PAK3: variants seen among roughly 807,000 people sequenced by gnomAD.
PAK3 encodes the protein serine/threonine-protein kinase PAK 3.
A neutral mutation model predicts 41.0 loss-of-function variants in PAK3; 4 were observed. The ratio of observed to expected loss-of-function variants is 0.10; its 90% CI spans 0.05 to 0.22. The LOEUF (loss-of-function observed/expected upper bound fraction) is 0.22. Ranked by LOEUF, PAK3 falls within the 10% of genes least tolerant of loss-of-function variation. PAK3 has a pLI of 1.00. For missense variants in PAK3, 205 were observed against 409.9 expected, an observed-to-expected ratio of 0.50 and a Z score of 4.32; for synonymous variants, 146 against 139.6, an observed-to-expected ratio of 1.05 and a Z score of -0.32.
At chrX:111,150,902 C>G (rs1229018923) in intron 7 of PAK3, among the ~76,000 whole-genome samples, 1 of 111,491 alleles carries the variant, frequency 9.0e-6, no homozygotes, top group African/African-American at 3.3e-5. Context: ...TATAAAGAGC[C>G]CTTACCTCTT....
At chrX:111,170,762 G>A (rs1445846726) in intron 10 of PAK3, among the ~76,000 whole-genome samples, 1 of 110,981 alleles carries the variant, frequency 9.0e-6, no homozygotes, top group Non-Finnish European at 1.9e-5. Context: ...GATAGGAAAG[G>A]AAAAGGGGGA....
At chrX:111,001,454 C>A (rs2091847061) in intron 1 of PAK3, among the ~76,000 whole-genome samples, 1 of 112,087 alleles carries the variant, frequency 8.9e-6, no homozygotes, top group Admixed American at 9.4e-5. Context: ...GAGTGTGGCA[C>A]TGGTATCACA....
chrX:111,190,368 A>G (rs1390917968), intron 11 of PAK3, among the ~76,000 whole-genome samples: 1 of 111,910 alleles, frequency 8.9e-6, no homozygotes, highest in African/African-American at 3.2e-5. Flanking sequence ...TCAGTTCATC[A>G]TATGTAACAT....
At chrX:111,160,949 A>G (rs1385289276) in intron 8 of PAK3, among the ~76,000 whole-genome samples, 1 of 112,607 alleles carries the variant, frequency 8.9e-6, no homozygotes. Flanking sequence ...TCTTTATAGC[A>G]GCATGATTTA....
At chrX:111,033,178 C>T (rs1360051260) in intron 1 of PAK3, among the ~76,000 whole-genome samples, 1 of 111,460 alleles carries the variant, frequency 9.0e-6, no homozygotes, top group Non-Finnish European at 1.9e-5. Context: ...CCATAGCCCT[C>T]TACACATCTG....
rs1577909 is a variant in PAK3 at position 111,079,067 on chromosome X, C to G, written c.-27-44010C>G. On this transcript the variant is annotated intron_variant, in intron 1 of 14. Transcript: ENST00000425146. ...TTAGTTCACGAGATTTAAGGAAAAA[C>G]GCCATCTCCATAACATGAAACTGCA... Among the ~76,000 whole-genome samples the G allele has an allele frequency of 5.1e-4, 56 of 110,679 alleles. 1 individual carries two copies. Among genetic ancestry groups the G allele is most frequent in the Non-Finnish European group, 1.5e-4 (8 of 52,957 alleles).
At chrX:111,141,461 T>TA (rs1237490642) in intron 5 of PAK3, among the ~76,000 whole-genome samples, 1 of 111,577 alleles carries the variant, frequency 9.0e-6, no homozygotes, top group Non-Finnish European at 1.9e-5. Context: ...ATTAATTCAG[T>TA]AAAAAAAGCA....
chrX:111,017,603 A>G (rs1166009300), intron 1 of PAK3, among the ~76,000 whole-genome samples: 1 of 112,153 alleles, frequency 8.9e-6, no homozygotes, highest in Non-Finnish European at 1.9e-5. Context: ...AGTAATCAAA[A>G]TAATTTAAAG....
chrX:111,029,630 C>T lies in PAK3; in HGVS notation c.-28+85002C>T, dbSNP rs772693980. Among the ~76,000 whole-genome samples the T allele has an allele frequency of 4.5e-5, 5 of 111,769 alleles. No individual in the cohort carries two copies. In the South Asian group the frequency reaches 1.1e-3, roughly 25 times the overall value. The stretch of plus-strand genomic sequence containing the variant: ...TGCATCATCTGTTTAAAAGATGAAT[C>T]GTCTGTCTGAAATAGTGGGCCACTG... On this transcript the variant is annotated intron_variant, in intron 1 of 14. Coordinates refer to the PAK3 transcript ENST00000425146.
chrX:111,067,906 T>C (rs1388356339), intron 1 of PAK3, among the ~76,000 whole-genome samples: 1 of 111,191 alleles, frequency 9.0e-6, no homozygotes, highest in Non-Finnish European at 1.9e-5. Context: ...TCTATAAAAT[T>C]AAAGTTGTCT....
At chrX:111,050,621 G>T (rs1040130160) in intron 1 of PAK3, among the ~76,000 whole-genome samples, 1 of 111,984 alleles carries the variant, frequency 8.9e-6, no homozygotes, top group Non-Finnish European at 1.9e-5. Context: ...GTAGAACTGG[G>T]TTGAGACCCT....
chrX:111,097,967 G>A (rs1383163303), intron 3 of PAK3, among the ~76,000 whole-genome samples: 1 of 111,285 alleles, frequency 9.0e-6, no homozygotes. Context: ...AGAGACCTTA[G>A]GATGTCAAGG....
intron 5 of PAK3, among the ~76,000 whole-genome samples, chrX:111,140,073 T>C (rs2149083446): frequency 9.0e-6 from 1 of 111,142 alleles, no homozygotes; most frequent in Non-Finnish European, 1.9e-5. Flanking sequence ...CCCGGTACAT[T>C]TGTATTTGTA....
intron 1 of PAK3, among the ~76,000 whole-genome samples, chrX:111,067,358 C>T (rs1296843497): frequency 9.0e-6 from 1 of 111,386 alleles, no homozygotes; most frequent in Admixed American, 9.6e-5. Flanking sequence ...TGCAACAATA[C>T]TATGAGGAGT....
chrX:111,029,759 G>T (rs73537192), intron 1 of PAK3, among the ~76,000 whole-genome samples: 2,142 of 111,697 alleles, frequency 0.019, 54 homozygotes, highest in African/African-American at 0.067. Context: ...ATGACTAATG[G>T]CACTTCGTGT....
chrX:111,025,730 AC>A (rs2092259583), intron 1 of PAK3, among the ~76,000 whole-genome samples: 1 of 110,831 alleles, frequency 9.0e-6, no homozygotes, highest in Non-Finnish European at 1.9e-5. Context: ...AAGAATTGGT[AC>A]CAATCCTATT....
At chrX:111,195,729 G>T in intron 14 of PAK3, 113 bp from the exon 15 acceptor site, 1 of 512,617 alleles carries the variant, frequency 2.0e-6, no homozygotes, top group South Asian at 2.9e-5. Context: ...TTCAGTAATC[G>T]ATTTCACTTG....
chrX:111,168,361 C>T (rs950392146), intron 10 of PAK3, among the ~76,000 whole-genome samples: 10 of 111,583 alleles, frequency 9.0e-5, no homozygotes, highest in Non-Finnish European at 1.7e-4. Context: ...TTTTAAAAAA[C>T]TTTCTCCCTA....
rs1351271159 is a variant in PAK3 at position 111,225,662 on chromosome X, G to A, written c.*5215G>A. 1 of 111,720 alleles carries A rather than the reference G, an allele frequency of 9.0e-6. No homozygotes were observed. The highest frequency in any genetic ancestry group is 3.3e-5 in the African/African-American group (1 of 30,654). The allele number at this position is 111,720 out of a possible 1,213,427, so 9.2% of individuals were successfully genotyped here. ...CTTTATTACTAAATTGCTATGTGACGCTAGGCAAGTCACTTAACCTCTCCA... is the reference window on the plus strand; with the variant it reads ...CTTTATTACTAAATTGCTATGTGACACTAGGCAAGTCACTTAACCTCTCCA... On this transcript the variant is annotated 3_prime_UTR_variant, in exon 18 of 18. Transcript: ENST00000372007.
Sources: allele counts gnomAD v4.1 joint callset (sites outside exome capture counted in the v4.1 genomes callset), GRCh38; gene constraint gnomAD v4.1.1; transcripts MANE v1.5; gene names NCBI Gene and HGNC (gene_info 2026-07-23, HGNC 2026-07-21).